RPL7: variants seen among roughly 807,000 people sequenced by gnomAD.
RPL7 encodes the protein ribosomal protein L7.
For missense variants in RPL7, 205 were observed against 301.9 expected (o/e 0.68, Z 2.38); for synonymous variants, 100 against 102.2 (o/e 0.98, Z 0.13).
intron 2 of RPL7, 85 bp downstream of exon 2, chr8:73,292,604 G>A (rs1024906509): frequency 1.3e-5 from 15 of 1,145,006 alleles, no homozygotes; most frequent in African/African-American, 7.7e-5. Flanking sequence ...CAGTTAGGAA[G>A]TAAATCTTGC....
rs771950672 is a variant in RPL7 at position 73,292,230 on chromosome 8, T to C, written c.290+9A>G. 21 of 1,605,454 alleles carry C rather than the reference T, an allele frequency of 1.3e-5. No individual in the cohort carries two copies. The Admixed American group carries it at 2.7e-4, about 21-fold the overall frequency. ...CATTCAAACCCGAATGCAGTAAAAC[T>C]GAACTTACCCTCTGATTCTGATGAC... On this transcript the variant is annotated intron_variant, in intron 3 of 6. Coordinates refer to ENST00000352983, the MANE Select transcript of RPL7 (RefSeq NM_000971.4).
intron 1 of RPL7, chr8:73,293,286 G>A (rs1814152624): frequency 2.5e-6 from 1 of 402,722 alleles, no homozygotes; most frequent in Non-Finnish European, 4.6e-6. Flanking sequence ...CACCAGCCAA[G>A]GACGAACACA....
chr8:73,291,838 G>T lies in RPL7; in HGVS notation c.363C>A (p.Thr121=), dbSNP rs1175917579. The change falls in exon 4 of 7, where the codon ACC becomes ACA. Residue 121 remains threonine, a synonymous_variant. Transcript: ENST00000352983. ...LLRLRQIFNG[T]FVKLNKASIN... Reference sequence around the variant, plus strand: ...TCGAAGCCTTGTTGAGCTTCACAAAGGTTCCATTGAAGATTTGACGAAGGC... The same window carrying T: ...TCGAAGCCTTGTTGAGCTTCACAAATGTTCCATTGAAGATTTGACGAAGGC... 1 of 1,613,210 alleles carries T rather than the reference G, an allele frequency of 6.2e-7. No individual in the cohort carries two copies. Among genetic ancestry groups the T allele is most frequent in the Admixed American group, 1.7e-5 (1 of 60,012 alleles).
rs186048475 is a variant in RPL7, at chr8:73,292,364, C to A, written c.165G>T (p.Lys55Asn). The A allele has an allele frequency of 3.2e-5, 52 of 1,600,538 alleles. No individual in the cohort carries two copies. In the African/African-American group the frequency reaches 4.8e-4, roughly 15 times the overall value. ...TCTGCCTATATTCCTTGTGATAGTG[C>A]TTTGCTTTTTCATAGATAAGCTTCC... ...ARRKLIYEKA[K>N]HYHKEYRQMY... Residue 55 changes from lysine to asparagine, a missense_variant, in exon 3 of 7, where the codon AAG becomes AAT. Lys to Asn is a moderately conservative substitution (Grantham distance 94). Coordinates refer to ENST00000352983, the MANE Select transcript of RPL7 (RefSeq NM_000971.4).
chr8:73,292,457 A>C, intron 2 of RPL7, 52 bp from the exon 3 acceptor site: 1 of 1,477,324 alleles, frequency 6.8e-7, no homozygotes, highest in Non-Finnish European at 9.2e-7. Flanking sequence ...CACAATTAGC[A>C]ATGCCAATCA....
chr8:73,292,014 A>G, intron 3 of RPL7, 104 bp from the exon 4 acceptor site: 2 of 1,396,516 alleles, frequency 1.4e-6, no homozygotes, highest in South Asian at 2.5e-5. Context: ...ACAGATAGGA[A>G]TCCTCTCATG....
At chr8:73,292,530 C>T (rs1035969567) in intron 2 of RPL7, 125 bp from the exon 3 acceptor site, 2 of 1,078,238 alleles carry the variant, frequency 1.9e-6, no homozygotes, top group Admixed American at 5.0e-5. Context: ...GCAATTACAT[C>T]CCCCACCAAA....
At position 73,290,483 on chromosome 8, in the gene RPL7, C is replaced by T. The variant is rs985162576; in HGVS notation, c.*224G>A. 6.6e-6 allele frequency: 1 copy of T among 152,252 alleles called. No homozygotes were observed. Among genetic ancestry groups the T allele is most frequent in the African/African-American group, 2.4e-5 (1 of 41,392 alleles). 9.4% of individuals were successfully genotyped at this position (152,252 alleles called of 1,614,324 possible). On this transcript the variant is annotated 3_prime_UTR_variant, in exon 7 of 7. Coordinates refer to ENST00000352983, the MANE Select transcript of RPL7 (RefSeq NM_000971.4). ...TTTGTATAGAAAAGCCTTTTAAAAA[C>T]CCAAGAGATGTCTTTCACACAGACT... is the stretch of plus-strand genomic sequence containing the variant.
intron 5 of RPL7, 31 bp downstream of exon 5, chr8:73,291,521 A>G (rs1196829586): frequency 1.3e-5 from 19 of 1,498,210 alleles, no homozygotes; most frequent in Admixed American, 1.7e-5. Flanking sequence ...CGCATGGTCT[A>G]ATACCAAATT....
intron 1 of RPL7, chr8:73,293,062 G>A (rs560481895): frequency 8.7e-6 from 3 of 346,244 alleles, no homozygotes; most frequent in East Asian, 8.8e-5. Context: ...CCCGGCCTCC[G>A]ACGACTAATT....
rs983145118 is a variant in RPL7 at position 73,290,322 on chromosome 8, A to G, written c.*385T>C. On this transcript the variant is annotated 3_prime_UTR_variant, in exon 7 of 7. Coordinates refer to ENST00000352983, the MANE Select transcript of RPL7 (RefSeq NM_000971.4). ...CCCGAGAAATAAATTTTAGCAACTA[A>G]ATTCAATTTTTTCCATAAACCAAAG... The G allele has an allele frequency of 6.6e-6, 1 of 152,228 alleles. No individual in the cohort carries two copies. The highest frequency in any genetic ancestry group is 1.5e-5 in the Non-Finnish European group (1 of 68,034). The allele number at this position is 152,228 out of a possible 1,614,324, so 9.4% of individuals were successfully genotyped here. A position where few individuals can be genotyped will look rare whatever the true frequency, so the allele number is the denominator to read the frequency against.
chr8:73,293,456 C>A lies in RPL7; in HGVS notation c.14+143G>T. ...CGCATCCCAACCCTAGCCTCAGGTC[C>A]CCACTGGTGTCACACAGCGTTCACA... On this transcript the variant is annotated intron_variant, in intron 1 of 6. Coordinates refer to ENST00000352983, the MANE Select transcript of RPL7 (RefSeq NM_000971.4). 4 of 1,014,708 alleles carry A rather than the reference C, an allele frequency of 3.9e-6. No homozygotes were observed. In the South Asian group the frequency reaches 5.7e-5, roughly 14 times the overall value. The allele number at this position is 1,014,708 out of a possible 1,614,324, so 62.9% of individuals were successfully genotyped here.
chr8:73,292,502 CTTTTCT>C, intron 2 of RPL7, 97 bp from the exon 3 acceptor site: 1 of 1,251,366 alleles, frequency 8.0e-7, no homozygotes. Context: ...TCCTTTAAAT[CTTTTCT>C]TGCCACAGTA....
At chr8:73,291,734 A>C in intron 4 of RPL7, 39 bp downstream of exon 4, 1 of 1,592,824 alleles carries the variant, frequency 6.3e-7, no homozygotes, top group South Asian at 1.1e-5. Context: ...CTACATAACC[A>C]ATTTATCAAA....
chr8:73,292,386 T>C lies in RPL7; in HGVS notation c.143A>G (p.Lys48Arg). Residue 48 changes from lysine to arginine, a missense_variant, in exon 3 of 7, where the codon AAG (lysine) becomes AGG (arginine). Lys to Arg is a conservative substitution (Grantham distance 26). Transcript: ENST00000352983. Reference sequence around the variant, plus strand: ...GTGCTTTGCTTTTTCATAGATAAGCTTCCTCCTTGCCTTTCGAAGCTGAAA... The same window carrying C: ...GTGCTTTGCTTTTTCATAGATAAGCCTCCTCCTTGCCTTTCGAAGCTGAAA... ...AQKMLRKARR[K>R]LIYEKAKHYH... is the part of the protein sequence containing the mutation. The C allele has an allele frequency of 6.3e-7, 1 of 1,597,374 alleles. No homozygotes were observed. The highest frequency in any genetic ancestry group is 8.5e-7 in the Non-Finnish European group (1 of 1,177,302).
intron 5 of RPL7, 107 bp from the exon 6 acceptor site, chr8:73,291,359 A>C (rs1024816109): frequency 7.0e-5 from 66 of 945,334 alleles, no homozygotes; most frequent in Admixed American, 3.6e-4. Flanking sequence ...AACCAGGAAT[A>C]AACAAGGTAA....
intron 2 of RPL7, 75 bp from the exon 3 acceptor site, chr8:73,292,480 C>T (rs1457769127): frequency 2.2e-6 from 3 of 1,363,792 alleles, no homozygotes; most frequent in Non-Finnish European, 3.0e-6. Flanking sequence ...AAAAAGAAAA[C>T]TACAACATGT....
chr8:73,292,508 T>G, intron 2 of RPL7, 103 bp from the exon 3 acceptor site: 1 of 1,227,546 alleles, frequency 8.1e-7, no homozygotes, highest in Non-Finnish European at 1.1e-6. Flanking sequence ...AAATCTTTTC[T>G]TGCCACAGTA....
intron 1 of RPL7, chr8:73,293,356 A>C: frequency 2.0e-6 from 1 of 508,100 alleles, no homozygotes; most frequent in Non-Finnish European, 3.6e-6. Context: ...CCGTCAGCCA[A>C]CCGACGGGTT....
Sources: gnomAD v4.1 joint callset for allele counts on GRCh38, gnomAD v4.1.1 for gene constraint, MANE v1.5 for transcripts, NCBI Gene and HGNC (gene_info 2026-07-23, HGNC 2026-07-21) for gene names.